Variants in CSNK1A1 observed in about 807,000 individuals in gnomAD.
The protein encoded by CSNK1A1 is casein kinase 1 alpha 1.
A neutral mutation model predicts 46.1 loss-of-function variants in CSNK1A1; 7 were observed. That is an observed-to-expected ratio of 0.15 (90% CI 0.09 to 0.29). The LOEUF is 0.29. Ranked by LOEUF, CSNK1A1 falls within the 10% of genes least tolerant of loss-of-function variation. The pLI is 1.00. For missense variants in CSNK1A1, 96 were observed against 417.1 expected, an observed-to-expected ratio of 0.23 and a Z score of 6.71; for synonymous variants, 137 against 141.5, an observed-to-expected ratio of 0.97 and a Z score of 0.23.
chr5:149,523,865 T>C (rs192586396), intron 3 of CSNK1A1, among the ~76,000 whole-genome samples: 1 of 152,310 alleles, frequency 6.6e-6, no homozygotes, highest in African/African-American at 2.4e-5. Flanking sequence ...CGATAAGCTA[T>C]TGTTAACTAT....
rs568348147 is a variant in CSNK1A1, at chr5:149,494,241, T to C, written c.*2612A>G. The C allele has an allele frequency of 6.6e-6, 1 of 152,354 alleles. No homozygotes were observed. Among genetic ancestry groups the C allele is most frequent in the Admixed American group, 6.5e-5 (1 of 15,304 alleles). 9.4% of individuals were successfully genotyped at this position (152,354 alleles called of 1,614,324 possible). On this transcript the variant is annotated 3_prime_UTR_variant, in exon 10 of 10. Transcript: ENST00000377843. ...GAAAAATCCTACTAAAAATATTTGT[T>C]GATGGGAAATCATTGTGAAAGCAAA...
intron 2 of CSNK1A1, among the ~76,000 whole-genome samples, chr5:149,536,890 G>C (rs1264927194): frequency 6.6e-6 from 1 of 152,148 alleles, no homozygotes; most frequent in Admixed American, 6.6e-5. Flanking sequence ...AGAAACATAG[G>C]TTCTAGTCCT....
chr5:149,510,293 A>C (rs373684332), intron 6 of CSNK1A1, among the ~76,000 whole-genome samples: 1 of 151,972 alleles, frequency 6.6e-6, no homozygotes, highest in Non-Finnish European at 1.5e-5. Flanking sequence ...GGGTCTCACT[A>C]TGTTGCCCAG....
chr5:149,518,859 A>T (rs1580835827), intron 4 of CSNK1A1, among the ~76,000 whole-genome samples: 1 of 152,078 alleles, frequency 6.6e-6, no homozygotes, highest in South Asian at 2.1e-4. Context: ...GGCAAAAACC[A>T]CGTACTGCAA....
Position 149,551,141 on chromosome 5 carries a change from G to A in CSNK1A1, c.-177C>T, listed in dbSNP as rs765634086. The A allele has an allele frequency of 6.5e-5, 36 of 557,944 alleles. No homozygotes were observed. The highest frequency in any genetic ancestry group is 9.7e-5 in the African/African-American group (5 of 51,624). 34.6% of individuals were successfully genotyped at this position (557,944 alleles called of 1,614,324 possible). Reference sequence around the variant, plus strand: ...AGCAGAGGGGAACCTGATCACCGCCGCTCAGTCAGGTTTCTTTTTGCCAGG... The same window carrying A: ...AGCAGAGGGGAACCTGATCACCGCCACTCAGTCAGGTTTCTTTTTGCCAGG... On this transcript the variant is annotated 5_prime_UTR_variant, in exon 1 of 10. Transcript: ENST00000377843.
At chr5:149,513,284 A>G in intron 4 of CSNK1A1, 75 bp from the exon 5 acceptor site, 1 of 1,334,634 alleles carries the variant, frequency 7.5e-7, no homozygotes, top group Non-Finnish European at 1.0e-6. Context: ...ATTAAATGGT[A>G]TCTATTCTAT....
chr5:149,514,457 T>C (rs1480646863), intron 4 of CSNK1A1, among the ~76,000 whole-genome samples: 4 of 152,216 alleles, frequency 2.6e-5, no homozygotes, highest in African/African-American at 9.6e-5. Context: ...TATATTTTAA[T>C]AAAAGTTAAT....
chr5:149,550,223 G>T lies in CSNK1A1; in HGVS notation c.124-42C>A, dbSNP rs752106002. 1 of 1,603,294 alleles carries T rather than the reference G, an allele frequency of 6.2e-7. No individual in the cohort carries two copies. On this transcript the variant is annotated intron_variant, in intron 1 of 9. Transcript: ENST00000377843. This position sits in a 1 kb window ranked among gnomAD's most constrained non-coding sequence, Gnocchi z 4.3. The stretch of plus-strand genomic sequence containing the variant: ...GGATGATGGCATCAACATCCCTACG[G>T]ATTCAATGTCACTTAGGAAAGGAGG...
intron 2 of CSNK1A1, chr5:149,545,823 T>C: frequency 6.8e-6 from 3 of 444,100 alleles, no homozygotes; most frequent in South Asian, 5.2e-5. Flanking sequence ...GCCGCGGCTC[T>C]CCAAGTGCCT....
At chr5:149,531,820 C>G (rs1463288761) in intron 2 of CSNK1A1, among the ~76,000 whole-genome samples, 2 of 145,140 alleles carry the variant, frequency 1.4e-5, no homozygotes, top group Admixed American at 7.0e-5. Context: ...GCCTGGGTGA[C>G]AGCAAGACTC....
At chr5:149,505,697 A>C in intron 8 of CSNK1A1, 102 bp from the exon 9 acceptor site, 1 of 944,468 alleles carries the variant, frequency 1.1e-6, no homozygotes, top group African/African-American at 1.6e-5. Context: ...TTACACAACG[A>C]ATATTTCCTC....
At chr5:149,509,199 A>G (rs7704271) in intron 7 of CSNK1A1, among the ~76,000 whole-genome samples, 98,163 of 151,956 alleles carry the variant, frequency 0.65, 32,992 homozygotes, top group East Asian at 0.99. Context: ...TGGCTCCTCA[A>G]CTGTGAGCCA....
intron 2 of CSNK1A1, among the ~76,000 whole-genome samples, chr5:149,547,234 C>A (rs1029730144): frequency 6.6e-6 from 1 of 152,178 alleles, no homozygotes; most frequent in African/African-American, 2.4e-5. Flanking sequence ...TTTAGCCTCA[C>A]CCACAGACAG....
At chr5:149,530,256 A>C (rs905286476) in intron 2 of CSNK1A1, among the ~76,000 whole-genome samples, 1 of 152,228 alleles carries the variant, frequency 6.6e-6, no homozygotes, top group Non-Finnish European at 1.5e-5. Flanking sequence ...AAGCTGTAAC[A>C]GTGTAGGGAG....
intron 2 of CSNK1A1, among the ~76,000 whole-genome samples, chr5:149,530,626 C>T (rs937514910): frequency 2.0e-5 from 3 of 152,070 alleles, no homozygotes; most frequent in East Asian, 1.9e-4. Flanking sequence ...CTTGCTGAAC[C>T]GTAAGAACTA....
intron 2 of CSNK1A1, among the ~76,000 whole-genome samples, chr5:149,546,412 A>C (rs1762485034): frequency 6.6e-6 from 1 of 151,950 alleles, no homozygotes; most frequent in South Asian, 2.1e-4. Flanking sequence ...AGGCGAGCAG[A>C]TCACGAGGTC....
rs1360758642 is a variant in CSNK1A1 at position 149,550,359 on chromosome 5, G to T, written c.124-178C>A. 1.5e-5 allele frequency: 21 copies of T among 1,407,486 alleles called. No homozygotes were observed. In the Admixed American group the frequency reaches 5.8e-4, roughly 39 times the overall value. The allele number at this position is 1,407,486 out of a possible 1,614,324, so 87.2% of individuals were successfully genotyped here. On this transcript the variant is annotated intron_variant, in intron 1 of 9. Transcript: ENST00000377843. This position sits in a 1 kb window ranked among gnomAD's most constrained non-coding sequence, Gnocchi z 4.3. ...CAACCAGCCTCAAAGGCCTCTTCAG[G>T]GGGTAGTGACGAAATCCGTACGTCC...
chr5:149,509,656 G>A (rs895053073), intron 7 of CSNK1A1, among the ~76,000 whole-genome samples: 1 of 151,628 alleles, frequency 6.6e-6, no homozygotes, highest in African/African-American at 2.4e-5. Flanking sequence ...CGCCCACCTC[G>A]GCCTTCTAAA....
At chr5:149,542,629 TA>T (rs1561772396) in intron 2 of CSNK1A1, among the ~76,000 whole-genome samples, 23 of 13,944 alleles carry the variant, frequency 1.6e-3, no homozygotes, top group African/African-American at 6.0e-3. Flanking sequence ...TATATATATA[TA>T]TATATATATG....
Sources: gnomAD v4.1 joint callset for allele counts (sites outside exome capture counted in the v4.1 genomes callset) on GRCh38, gnomAD v4.1.1 for gene constraint, Gnocchi (gnomAD v3.1) non-coding constraint, MANE v1.5 for transcripts, NCBI Gene and HGNC (gene_info 2026-07-23, HGNC 2026-07-21) for gene names.